GPC6: variants seen among roughly 807,000 people sequenced by gnomAD.
GPC6 encodes glypican 6.
In GPC6, 14 loss-of-function variants were observed where a neutral mutation model predicts 55.2. The observed-to-expected ratio is 0.25, with a 90% confidence interval of 0.17 to 0.40. GPC6 has a LOEUF of 0.40. Among genes scored for constraint, GPC6 ranks in the 10% least tolerant of loss-of-function variants. The pLI, the probability that GPC6 is intolerant of heterozygous loss-of-function variation, is 1.00. For missense variants in GPC6, 641 were observed against 708.5 expected (o/e 0.90, Z 1.08); for synonymous variants, 278 against 259.6 (o/e 1.07, Z -0.68).
intron 2 of GPC6, among the ~76,000 whole-genome samples, chr13:93,748,330 T>C (rs1439228936): frequency 6.6e-6 from 1 of 152,142 alleles, no homozygotes; most frequent in Non-Finnish European, 1.5e-5. Flanking sequence ...TATGTAGTAA[T>C]TCCTATTTTT....
At chr13:93,985,783 A>G (rs1457816899) in intron 3 of GPC6, among the ~76,000 whole-genome samples, 4 of 150,706 alleles carry the variant, frequency 2.7e-5, no homozygotes, top group African/African-American at 9.7e-5. Flanking sequence ...TTCTGCTTGT[A>G]TTGAATCTGG....
chr13:94,007,111 A>G (rs1039808789), intron 3 of GPC6, among the ~76,000 whole-genome samples: 1 of 152,242 alleles, frequency 6.6e-6, no homozygotes, highest in African/African-American at 2.4e-5. Flanking sequence ...CCTAAATCTT[A>G]GATCCAATCA....
At position 94,055,269 on chromosome 13, in the gene GPC6, G is replaced by A. The variant is rs187693743; in HGVS notation, c.877+27375G>A. Among the ~76,000 whole-genome samples, 4 of 152,258 alleles carry A rather than the reference G, an allele frequency of 2.6e-5. No individual in the cohort carries two copies. In the East Asian group the frequency reaches 5.8e-4, roughly 22 times the overall value. ...GGTGAAGCAGTTATATACTTTAAAT[G>A]TATGTTACAATTCTACAATTGCAAG... On this transcript the variant is annotated intron_variant, in intron 4 of 8. Coordinates refer to ENST00000377047, the MANE Select transcript of GPC6 (RefSeq NM_005708.5).
chr13:94,389,320 G>A (rs1005875249), intron 7 of GPC6, among the ~76,000 whole-genome samples: 11 of 152,194 alleles, frequency 7.2e-5, no homozygotes, highest in African/African-American at 2.7e-4. Context: ...TGAGAAGGGC[G>A]TTCTGGGCAG....
At position 93,826,079 on chromosome 13, in the gene GPC6, C is replaced by T. The variant is rs546514889; in HGVS notation, c.320-4075C>T. On this transcript the variant is annotated intron_variant, in intron 2 of 8. Transcript: ENST00000377047. The stretch of plus-strand genomic sequence containing the variant: ...TTCACCAGTTTGTCCAGGCTGGTCT[C>T]GAACTCCTGACCTCAGGTGATCTGC... Among the ~76,000 whole-genome samples the T allele has an allele frequency of 7.9e-5, 12 of 151,868 alleles. No homozygotes were observed. The South Asian group carries it at 2.1e-3, about 26-fold the overall frequency.
chr13:93,974,592 T>C (rs576860151), intron 3 of GPC6, among the ~76,000 whole-genome samples: 2 of 152,276 alleles, frequency 1.3e-5, no homozygotes, highest in African/African-American at 4.8e-5. Flanking sequence ...ACTTGGGCTA[T>C]TTTATTTTTT....
chr13:93,566,359 GACA>G (rs759830305), intron 2 of GPC6, among the ~76,000 whole-genome samples: 44 of 152,120 alleles, frequency 2.9e-4, no homozygotes, highest in African/African-American at 6.5e-4. Context: ...CATTTTTAAT[GACA>G]ACGTCAAATA....
chr13:93,797,826 C>G (rs536230491), intron 2 of GPC6, among the ~76,000 whole-genome samples: 4 of 152,288 alleles, frequency 2.6e-5, no homozygotes, highest in Admixed American at 2.6e-4. Context: ...TCTGTAGTCA[C>G]AGCAGAGTGA....
At chr13:93,698,550 T>C (rs572456363) in intron 2 of GPC6, among the ~76,000 whole-genome samples, 16 of 149,188 alleles carry the variant, frequency 1.1e-4, no homozygotes, top group South Asian at 8.5e-4. Flanking sequence ...GAAAACATTT[T>C]CCTTTTATTA....
At chr13:94,359,022 T>C (rs1330495777) in intron 6 of GPC6, among the ~76,000 whole-genome samples, 1 of 152,204 alleles carries the variant, frequency 6.6e-6, no homozygotes, top group Non-Finnish European at 1.5e-5. Flanking sequence ...AAGTTTGTCC[T>C]TTCCTCTCGA....
intron 6 of GPC6, among the ~76,000 whole-genome samples, chr13:94,336,863 G>GAATT (rs1877731796): frequency 1.3e-5 from 2 of 151,964 alleles, no homozygotes; most frequent in South Asian, 4.1e-4. Flanking sequence ...ATTCTCTTAA[G>GAATT]AATTAAAAAA....
chr13:94,142,057 T>C (rs1887398297), intron 4 of GPC6, among the ~76,000 whole-genome samples: 1 of 152,132 alleles, frequency 6.6e-6, no homozygotes, highest in South Asian at 2.1e-4. Context: ...TCCTATTGCC[T>C]ATACTATCAT....
intron 1 of GPC6, among the ~76,000 whole-genome samples, chr13:93,504,168 T>G (rs1364388530): frequency 6.6e-6 from 1 of 152,092 alleles, no homozygotes; most frequent in Non-Finnish European, 1.5e-5. Context: ...ACACCTTTGA[T>G]TCGATAATCC....
At chr13:93,318,263 GT>G (rs753431033) in intron 1 of GPC6, among the ~76,000 whole-genome samples, 1 of 151,796 alleles carries the variant, frequency 6.6e-6, no homozygotes, top group Non-Finnish European at 1.5e-5. Context: ...ATATGTGACA[GT>G]TTTTTTTGTT....
chr13:94,076,179 AT>A (rs1555293390), intron 4 of GPC6, among the ~76,000 whole-genome samples: 2 of 151,408 alleles, frequency 1.3e-5, no homozygotes, highest in Non-Finnish European at 1.5e-5. Flanking sequence ...TGAGGTGATA[AT>A]TTACTGTGCT....
chr13:93,783,747 AG>A (rs1885733259), intron 2 of GPC6, among the ~76,000 whole-genome samples: 1 of 152,164 alleles, frequency 6.6e-6, no homozygotes, highest in South Asian at 2.1e-4. Context: ...CCTATCATGC[AG>A]CCTACACTGC....
At chr13:93,753,267 T>C (rs1299601187) in intron 2 of GPC6, among the ~76,000 whole-genome samples, 2 of 152,200 alleles carry the variant, frequency 1.3e-5, no homozygotes, top group Non-Finnish European at 2.9e-5. Flanking sequence ...CTTTACCGCA[T>C]GGTTCTAACA....
chr13:94,301,175 G>C (rs1036240488), intron 5 of GPC6, among the ~76,000 whole-genome samples: 1 of 152,170 alleles, frequency 6.6e-6, no homozygotes, highest in Admixed American at 6.5e-5. Context: ...TTAATAGGTG[G>C]AATCTATGAT....
At chr13:93,661,518 T>C (rs1331208328) in intron 2 of GPC6, among the ~76,000 whole-genome samples, 2 of 152,124 alleles carry the variant, frequency 1.3e-5, no homozygotes, top group Non-Finnish European at 2.9e-5. Context: ...TTACCTTTCT[T>C]TTTATCAACT....
Sources: allele counts gnomAD v4.1 joint callset (sites outside exome capture counted in the v4.1 genomes callset), GRCh38; gene constraint gnomAD v4.1.1; transcripts MANE v1.5; gene names NCBI Gene and HGNC (gene_info 2026-07-23, HGNC 2026-07-21).